Variants in DPP6 observed in about 807,000 individuals in gnomAD.
DPP6 encodes A-type potassium channel modulatory protein DPP6.
Under a neutral mutation model 122.6 loss-of-function variants are expected in DPP6, and 69 were observed. That is an observed-to-expected ratio of 0.56 (90% confidence interval 0.46 to 0.69). The LOEUF (loss-of-function observed/expected upper bound fraction) is 0.69, where lower values mean the gene tolerates loss of function less well. Among genes scored for constraint, DPP6 ranks in the 30% least tolerant of loss-of-function variants. DPP6 has a pLI of 0.00. For missense variants in DPP6, 928 were observed against 1,116.9 expected (o/e 0.83, Z 2.41); for synonymous variants, 418 against 433.1 (o/e 0.97, Z 0.43).
intron 7 of DPP6, among the ~76,000 whole-genome samples, chr7:154,713,046 C>G (rs1841283829): frequency 6.6e-6 from 1 of 152,212 alleles, no homozygotes; most frequent in Non-Finnish European, 1.5e-5. Context: ...TAAATATACC[C>G]ATTCCAAATG....
the DPP6 span, among the ~76,000 whole-genome samples, chr7:153,807,685 G>C: frequency 1.3e-5 from 2 of 151,840 alleles, no homozygotes; most frequent in Non-Finnish European, 2.9e-5. Flanking sequence ...CCCTGAGACT[G>C]AGCATGGGTT....
chr7:154,740,163 A>G (rs1270491772), intron 8 of DPP6, among the ~76,000 whole-genome samples: 1 of 152,190 alleles, frequency 6.6e-6, no homozygotes, highest in Non-Finnish European at 1.5e-5. Context: ...TTCAGTGACT[A>G]TATTTTTCTA....
At chr7:154,079,158 G>A (rs185099031) in intron 1 of DPP6, among the ~76,000 whole-genome samples, 1 of 152,094 alleles carries the variant, frequency 6.6e-6, no homozygotes, top group East Asian at 1.9e-4. Flanking sequence ...TCGCACCACT[G>A]TACTCCATCC....
At chr7:154,433,138 T>C (rs904606919) in intron 1 of DPP6, among the ~76,000 whole-genome samples, 1 of 22,974 alleles carries the variant, frequency 4.4e-5, no homozygotes, top group East Asian at 2.6e-3. Flanking sequence ...GACTGCAAGT[T>C]TTTTTTTTTT....
chr7:154,337,641 C>G (rs1478223980), intron 1 of DPP6, among the ~76,000 whole-genome samples: 2 of 152,198 alleles, frequency 1.3e-5, no homozygotes, highest in East Asian at 1.9e-4. Flanking sequence ...GCAGCCTAAA[C>G]TCCCAGGGTT....
intron 7 of DPP6, among the ~76,000 whole-genome samples, chr7:154,725,928 C>G (rs900768799): frequency 1.3e-5 from 2 of 152,166 alleles, no homozygotes; most frequent in Non-Finnish European, 2.9e-5. Context: ...CAAAGGGCTA[C>G]AGGCCACATG....
At chr7:154,766,459 T>C (rs564310379) in intron 8 of DPP6, among the ~76,000 whole-genome samples, 38 of 152,146 alleles carry the variant, frequency 2.5e-4, no homozygotes, top group Non-Finnish European at 4.6e-4. Context: ...GGATTACAGG[T>C]GTGCGCCCAG....
chr7:154,760,246 T>C lies in DPP6; in HGVS notation c.884-9171T>C, dbSNP rs1254769271. 6.6e-6 allele frequency among the ~76,000 whole-genome samples: 1 copy of C among 152,196 alleles called. No individual in the cohort carries two copies. Among genetic ancestry groups the C allele is most frequent in the Non-Finnish European group, 1.5e-5 (1 of 68,046 alleles). On this transcript the variant is annotated intron_variant, in intron 8 of 25. Coordinates refer to ENST00000377770, the MANE Select transcript of DPP6 (RefSeq NM_130797.4). This position sits in a 1 kb window ranked among gnomAD's most constrained non-coding sequence, Gnocchi z 4.5. Reference sequence around the variant, plus strand: ...GGATTCAGCAGGCGGATTCTGGGATTAGCAGGTGATTGGTGGAAGGAACGG... The same window carrying C: ...GGATTCAGCAGGCGGATTCTGGGATCAGCAGGTGATTGGTGGAAGGAACGG...
chr7:153,826,071 G>A, the DPP6 span, among the ~76,000 whole-genome samples: 1 of 152,148 alleles, frequency 6.6e-6, no homozygotes, highest in South Asian at 2.1e-4. Flanking sequence ...TCATATAAAG[G>A]CAGCATAGAG....
At chr7:154,092,031 G>A (rs4067520) in intron 1 of DPP6, among the ~76,000 whole-genome samples, 91,149 of 150,486 alleles carry the variant, frequency 0.61, 27,837 homozygotes, top group African/African-American at 0.71. Flanking sequence ...GACATCAGGG[G>A]TGGGAGCTGT....
At chr7:154,843,653 G>GA (rs34443863) in intron 16 of DPP6, among the ~76,000 whole-genome samples, 1 of 152,132 alleles carries the variant, frequency 6.6e-6, no homozygotes, top group Non-Finnish European at 1.5e-5. Context: ...CAGATAGTAG[G>GA]AAAAAAATGT....
At chr7:154,796,519 C>G (rs1017192601) in intron 12 of DPP6, among the ~76,000 whole-genome samples, 76 of 152,322 alleles carry the variant, frequency 5.0e-4, no homozygotes, top group Non-Finnish European at 4.3e-4. Flanking sequence ...TTTCTTCAAG[C>G]CTTTTTGTCT....
chr7:153,786,953 T>C, the DPP6 span, among the ~76,000 whole-genome samples: 7 of 145,008 alleles, frequency 4.8e-5, no homozygotes, highest in African/African-American at 1.8e-4. Context: ...TTTTTTTTGT[T>C]TTTGTTTTTG....
rs1806444028 is a variant in DPP6 at position 154,889,639 on chromosome 7, TGTG to T, written c.2451+115_2451+117del. ...TCTACTGCAGCAGACACGCCTGTGC[TGTG>T]GTGGTCGGTGATGAGCAAGGTCCCA... On this transcript the variant is annotated intron_variant, in intron 25 of 25. Transcript: ENST00000377770. 6.6e-6 allele frequency: 10 copies of T among 1,505,904 alleles called. No individual in the cohort carries two copies. In the East Asian group the frequency reaches 2.5e-4, roughly 37 times the overall value. The allele number at this position is 1,505,904 out of a possible 1,614,324, so 93.3% of individuals were successfully genotyped here.
chr7:153,850,248 G>A, the DPP6 span, among the ~76,000 whole-genome samples: 1 of 152,118 alleles, frequency 6.6e-6, no homozygotes, highest in African/African-American at 2.4e-5. Context: ...CCTGGCTGGG[G>A]AGAGATCTGC....
At chr7:154,572,683 A>ATTTT (rs34011988) in intron 5 of DPP6, among the ~76,000 whole-genome samples, 63 of 130,732 alleles carry the variant, frequency 4.8e-4, no homozygotes, top group South Asian at 2.5e-3. Flanking sequence ...CACATGGCTA[A>ATTTT]TTTTTTTTTT....
the DPP6 span, among the ~76,000 whole-genome samples, chr7:153,778,456 T>C: frequency 6.7e-6 from 1 of 149,644 alleles, no homozygotes; most frequent in African/African-American, 2.6e-5. Flanking sequence ...CCCACAACAA[T>C]GAATGTACCT....
At chr7:154,659,276 C>G (rs1452644022) in intron 6 of DPP6, among the ~76,000 whole-genome samples, 4 of 152,158 alleles carry the variant, frequency 2.6e-5, no homozygotes, top group Admixed American at 2.6e-4. Context: ...GTAAACTTGT[C>G]CCAATATCTG....
chr7:154,568,059 T>G (rs899184504), intron 5 of DPP6, among the ~76,000 whole-genome samples: 6 of 152,202 alleles, frequency 3.9e-5, no homozygotes, highest in Non-Finnish European at 7.4e-5. Flanking sequence ...TTTGAAACAA[T>G]GGGGCATCTT....
Sources: gnomAD v4.1 joint callset for allele counts (sites outside exome capture counted in the v4.1 genomes callset) on GRCh38, gnomAD v4.1.1 for gene constraint, Gnocchi (gnomAD v3.1) non-coding constraint, MANE v1.5 for transcripts, NCBI Gene and HGNC (gene_info 2026-07-23, HGNC 2026-07-21) for gene names.